ACBD6: variants seen among roughly 807,000 people sequenced by gnomAD.
ACBD6 encodes the protein acyl-CoA-binding domain-containing protein 6.
A neutral mutation model predicts 37.2 loss-of-function variants in ACBD6; 28 were observed. That is an observed-to-expected ratio of 0.75 (90% CI 0.56 to 1.03). The LOEUF is 1.03. ACBD6 is among the 50% of genes least tolerant of loss of function. The pLI, the probability that ACBD6 is intolerant of heterozygous loss-of-function variation, is 0.00. For synonymous variants in ACBD6, 113 were observed against 126.8 expected, an observed-to-expected ratio of 0.89 and a Z score of 0.73; for missense variants, 340 against 337.4, an observed-to-expected ratio of 1.01 and a Z score of -0.06.
Position 180,342,390 on chromosome 1 carries a change from TA to T in ACBD6, c.664-27669del, listed in dbSNP as rs924583620. ...TTGAGTGAAACAAAGAAAAGACAAT[TA>T]TCTTAAATTATTATCTAATCCAATT... On this transcript the variant is annotated intron_variant, in intron 6 of 7. Coordinates refer to ENST00000367595, the MANE Select transcript of ACBD6 (RefSeq NM_032360.4). 1.6e-4 allele frequency among the ~76,000 whole-genome samples: 25 copies of T among 152,130 alleles called. 2 individuals carry two copies.
At chr1:180,288,970 A>C (rs1208225422) in intron 7 of ACBD6, among the ~76,000 whole-genome samples, 1 of 151,762 alleles carries the variant, frequency 6.6e-6, no homozygotes, top group Non-Finnish European at 1.5e-5. Context: ...TAACTAACTG[A>C]ACTTTACAAT....
chr1:180,480,002 A>G (rs1343816861), intron 3 of ACBD6, among the ~76,000 whole-genome samples: 3 of 152,102 alleles, frequency 2.0e-5, no homozygotes, highest in African/African-American at 7.2e-5. Context: ...ACCAAAGAAA[A>G]AAAGAAAATA....
chr1:180,430,421 G>C (rs1477346632), intron 3 of ACBD6, among the ~76,000 whole-genome samples, 159 bp from the exon 4 acceptor site: 1 of 152,160 alleles, frequency 6.6e-6, no homozygotes, highest in Non-Finnish European at 1.5e-5. Context: ...GTAACAGAAA[G>C]GCAATAGGAT....
At chr1:180,488,919 G>C (rs914037039) in intron 3 of ACBD6, among the ~76,000 whole-genome samples, 3 of 152,134 alleles carry the variant, frequency 2.0e-5, no homozygotes, top group Admixed American at 2.0e-4. Context: ...AAATCTGTCT[G>C]TGTCTGAATT....
At chr1:180,392,485 A>T (rs1301380842) in intron 6 of ACBD6, among the ~76,000 whole-genome samples, 1 of 152,176 alleles carries the variant, frequency 6.6e-6, no homozygotes, top group Non-Finnish European at 1.5e-5. Context: ...ATAGGTTAAG[A>T]GCTTGGGCTT....
chr1:180,497,787 A>G (rs1651795901), intron 1 of ACBD6, among the ~76,000 whole-genome samples: 2 of 152,202 alleles, frequency 1.3e-5, no homozygotes, highest in Admixed American at 1.3e-4. Context: ...GTCTACTGCA[A>G]TATGTTGTTT....
At chr1:180,357,716 C>T (rs184582619) in intron 6 of ACBD6, among the ~76,000 whole-genome samples, 258 of 152,314 alleles carry the variant, frequency 1.7e-3, no homozygotes, top group South Asian at 9.5e-3. Context: ...GGAAGACCTT[C>T]AGGAAGATGA....
chr1:180,329,088 A>G (rs1651373155), intron 6 of ACBD6, among the ~76,000 whole-genome samples: 2 of 152,152 alleles, frequency 1.3e-5, no homozygotes, highest in Non-Finnish European at 2.9e-5. Flanking sequence ...TCATTACTCT[A>G]TATGGAGAAC....
intron 3 of ACBD6, among the ~76,000 whole-genome samples, chr1:180,433,951 G>A (rs893806342): frequency 1.3e-5 from 2 of 152,078 alleles, no homozygotes; most frequent in African/African-American, 4.8e-5. Flanking sequence ...GGTTCCTGGA[G>A]GGTGGCATGC....
chr1:180,297,854 C>T (rs1468058993), intron 7 of ACBD6, among the ~76,000 whole-genome samples: 3 of 152,168 alleles, frequency 2.0e-5, no homozygotes, highest in Admixed American at 1.3e-4. Context: ...GATTCTCCTG[C>T]CTCAGCCTTC....
intron 6 of ACBD6, among the ~76,000 whole-genome samples, chr1:180,388,719 G>T (rs1653948130): frequency 6.6e-6 from 1 of 152,002 alleles, no homozygotes; most frequent in African/African-American, 2.4e-5. Context: ...GGGATTACAG[G>T]TGTGACCCAT....
At chr1:180,378,509 T>C (rs552691502) in intron 6 of ACBD6, among the ~76,000 whole-genome samples, 1 of 152,190 alleles carries the variant, frequency 6.6e-6, no homozygotes, top group South Asian at 2.1e-4. Flanking sequence ...ATACAAGAAG[T>C]TAATTATTAG....
intron 3 of ACBD6, chr1:180,435,012 T>C: frequency 2.1e-6 from 2 of 966,530 alleles, no homozygotes; most frequent in Non-Finnish European, 3.4e-6. Context: ...TACAGAGAAA[T>C]GGAACACCGA....
intron 7 of ACBD6, among the ~76,000 whole-genome samples, chr1:180,291,351 G>A (rs77185854): frequency 0.011 from 1,732 of 152,246 alleles, 39 homozygotes; most frequent in African/African-American, 0.039. Flanking sequence ...ATAAATTCCA[G>A]TTCCTTTGCA....
intron 7 of ACBD6, among the ~76,000 whole-genome samples, chr1:180,298,511 G>A (rs1186704399): frequency 6.6e-6 from 1 of 152,194 alleles, no homozygotes; most frequent in Non-Finnish European, 1.5e-5. Context: ...GTATGATGAT[G>A]TGACCATTCC....
chr1:180,282,661 C>T (rs984103498), intron 8 of ACBD6, among the ~76,000 whole-genome samples: 11 of 152,048 alleles, frequency 7.2e-5, no homozygotes, highest in South Asian at 2.1e-4. Flanking sequence ...GTCACTTTTT[C>T]GACACCTGTC....
intron 3 of ACBD6, among the ~76,000 whole-genome samples, chr1:180,470,363 T>C (rs904913365): frequency 2.0e-5 from 3 of 152,190 alleles, no homozygotes; most frequent in Non-Finnish European, 4.4e-5. Flanking sequence ...GACTTAGTCT[T>C]TACTCTCTAA....
At chr1:180,494,171 T>C (rs992380490) in intron 2 of ACBD6, among the ~76,000 whole-genome samples, 6 of 152,292 alleles carry the variant, frequency 3.9e-5, no homozygotes, top group Admixed American at 3.9e-4. Context: ...TTTTCCTCAA[T>C]AGTTTTTCTC....
intron 5 of ACBD6, among the ~76,000 whole-genome samples, chr1:180,403,897 T>C (rs1334386717): frequency 1.3e-5 from 2 of 151,756 alleles, no homozygotes; most frequent in Middle Eastern, 3.2e-3. Flanking sequence ...GAAAATAGAA[T>C]GGTAGTTGCC....
Sources: allele counts gnomAD v4.1 joint callset (sites outside exome capture counted in the v4.1 genomes callset), GRCh38; gene constraint gnomAD v4.1.1; transcripts MANE v1.5; gene names NCBI Gene and HGNC (gene_info 2026-07-23, HGNC 2026-07-21).